PALM2AKAP2: variants seen among roughly 807,000 people sequenced by gnomAD.
The protein encoded by PALM2AKAP2 is PALM2-AKAP2 fusion protein.
Under a neutral mutation model 71.5 loss-of-function variants are expected in PALM2AKAP2, and 37 were observed. The ratio of observed to expected loss-of-function variants is 0.52; its 90% CI spans 0.40 to 0.68. The LOEUF (loss-of-function observed/expected upper bound fraction) is 0.68, where lower values mean the gene tolerates loss of function less well. Among genes scored for constraint, PALM2AKAP2 ranks in the 30% least tolerant of loss-of-function variants. PALM2AKAP2 has a pLI of 0.00. For synonymous variants in PALM2AKAP2, 468 were observed against 478.8 expected (o/e 0.98, Z 0.29); for missense variants, 1,224 against 1,191.8 (o/e 1.03, Z -0.40).
chr9:110,035,309 TACATAC>T (rs1324826942), intron 7 of PALM2AKAP2, among the ~76,000 whole-genome samples: 1 of 82,684 alleles, frequency 1.2e-5, no homozygotes, highest in Non-Finnish European at 2.3e-5. Flanking sequence ...TAATACATAT[TACATAC>T]ATATGTATTA....
chr9:110,048,607 GGAAGC>G, upstream of PALM2AKAP2: 1 of 1,346,446 alleles, frequency 7.4e-7, no homozygotes, highest in Non-Finnish European at 9.7e-7. Context: ...CTACTGGAGG[GGAAGC>G]GAGGAGGCGG....
At chr9:109,667,117 G>A (rs899650061) in intron 1 of PALM2AKAP2, among the ~76,000 whole-genome samples, 5 of 152,128 alleles carry the variant, frequency 3.3e-5, no homozygotes, top group South Asian at 2.1e-4. Flanking sequence ...AACCATGCTC[G>A]TATTCTGAGC....
intron 1 of PALM2AKAP2, among the ~76,000 whole-genome samples, chr9:109,644,320 A>G (rs1454482034): frequency 6.6e-6 from 1 of 152,046 alleles, no homozygotes; most frequent in Non-Finnish European, 1.5e-5. Context: ...CCCAGATTTC[A>G]TCTCCGGTAG....
At chr9:110,091,670 G>A (rs1209908740) in intron 1 of PALM2AKAP2, among the ~76,000 whole-genome samples, 1 of 151,938 alleles carries the variant, frequency 6.6e-6, no homozygotes, top group Admixed American at 6.6e-5. Flanking sequence ...CACCGTGTTA[G>A]CCAGGATGGT....
At chr9:109,954,658 TAAAA>T (rs56743395) in intron 6 of PALM2AKAP2, among the ~76,000 whole-genome samples, 1,123 of 107,928 alleles carry the variant, frequency 0.01, 7 homozygotes, top group African/African-American at 0.026. Context: ...TAAAGTATAA[TAAAA>T]AAAAAAAAAA....
intron 1 of PALM2AKAP2, among the ~76,000 whole-genome samples, chr9:110,125,127 A>G (rs1835568234): frequency 6.6e-6 from 1 of 152,170 alleles, no homozygotes. Flanking sequence ...CTGTCCTGAA[A>G]AGTCTGTCTA....
At chr9:109,723,610 G>A (rs560204035) in intron 1 of PALM2AKAP2, among the ~76,000 whole-genome samples, 7 of 152,330 alleles carry the variant, frequency 4.6e-5, no homozygotes, top group Admixed American at 3.3e-4. Context: ...CATGAGTCAT[G>A]AGGATATATA....
At chr9:109,659,971 G>T (rs1827365630) in intron 1 of PALM2AKAP2, among the ~76,000 whole-genome samples, 2 of 152,106 alleles carry the variant, frequency 1.3e-5, no homozygotes, top group South Asian at 4.2e-4. Context: ...ATCCCAAGTA[G>T]CTGGAACTAC....
intron 1 of PALM2AKAP2, among the ~76,000 whole-genome samples, chr9:110,134,178 C>CT (rs1438174927): frequency 6.6e-6 from 1 of 151,636 alleles, no homozygotes; most frequent in Admixed American, 6.6e-5. Flanking sequence ...CTAAGGGAGA[C>CT]TGAGGCAGGA....
At chr9:109,790,511 G>A (rs1196350548) in intron 1 of PALM2AKAP2, among the ~76,000 whole-genome samples, 1 of 152,178 alleles carries the variant, frequency 6.6e-6, no homozygotes, top group African/African-American at 2.4e-5. Context: ...CTTTGTCTGT[G>A]TTTGAGTGCT....
At chr9:110,044,789 T>G (rs537597502), upstream of PALM2AKAP2, among the ~76,000 whole-genome samples, 2 of 152,264 alleles carry the variant, frequency 1.3e-5, no homozygotes, top group African/African-American at 4.8e-5. Context: ...AAATAGTAAA[T>G]TCCCTTTTAT....
intron 6 of PALM2AKAP2, among the ~76,000 whole-genome samples, chr9:109,980,686 G>C (rs1001780784): frequency 6.6e-6 from 1 of 152,216 alleles, no homozygotes. Flanking sequence ...CAGGTTAACA[G>C]GTTCCTTGGG....
intron 2 of PALM2AKAP2, among the ~76,000 whole-genome samples, chr9:110,154,851 G>C (rs1836408173): frequency 6.6e-6 from 1 of 152,128 alleles, no homozygotes; most frequent in South Asian, 2.1e-4. Flanking sequence ...AAACATATTT[G>C]ATAGAATAGC....
At chr9:110,161,675 A>G (rs1836602354) in intron 3 of PALM2AKAP2, among the ~76,000 whole-genome samples, 1 of 152,142 alleles carries the variant, frequency 6.6e-6, no homozygotes, top group South Asian at 2.1e-4. Flanking sequence ...ACAACAGGTT[A>G]CAAGACGGCT....
intron 1 of PALM2AKAP2, among the ~76,000 whole-genome samples, chr9:109,645,717 T>C (rs922899460): frequency 3.4e-5 from 5 of 148,776 alleles, no homozygotes; most frequent in Non-Finnish European, 7.5e-5. Context: ...CACATGGACA[T>C]AAAGATGAAA....
intron 5 of PALM2AKAP2, among the ~76,000 whole-genome samples, chr9:109,927,254 A>G (rs57364946): frequency 0.095 from 14,491 of 152,226 alleles, 1,280 homozygotes; most frequent in East Asian, 0.27. Flanking sequence ...TGATTGATGT[A>G]TATAGAGTCA....
intron 1 of PALM2AKAP2, among the ~76,000 whole-genome samples, chr9:110,079,674 T>G (rs979730460): frequency 6.6e-6 from 1 of 152,090 alleles, no homozygotes; most frequent in Non-Finnish European, 1.5e-5. Context: ...AGAAGGCATA[T>G]ATGGAGCATG....
At chr9:109,905,550 C>T (rs1830428130) in intron 3 of PALM2AKAP2, among the ~76,000 whole-genome samples, 1 of 152,260 alleles carries the variant, frequency 6.6e-6, no homozygotes, top group Non-Finnish European at 1.5e-5. Context: ...CTACCCGCAG[C>T]ACATGCAGGA....
chr9:109,911,082 G>C (rs1588002311), intron 3 of PALM2AKAP2, among the ~76,000 whole-genome samples: 1 of 152,200 alleles, frequency 6.6e-6, no homozygotes, highest in Admixed American at 6.5e-5. Context: ...AGGTGCAGGG[G>C]TGGAGGCGCT....
Sources: allele counts gnomAD v4.1 joint callset (sites outside exome capture counted in the v4.1 genomes callset), GRCh38; gene constraint gnomAD v4.1.1; transcripts MANE v1.5; gene names NCBI Gene and HGNC (gene_info 2026-07-23, HGNC 2026-07-21).